PPM1H: variants seen among roughly 807,000 people sequenced by gnomAD.
PPM1H encodes protein phosphatase, Mg2+/Mn2+ dependent 1H, also known as protein phosphatase 1H.
PPM1H carries 27 observed loss-of-function variants against 54.9 expected under a neutral mutation model. The ratio of observed to expected loss-of-function variants is 0.49; its 90% confidence interval spans 0.36 to 0.68. The LOEUF (loss-of-function observed/expected upper bound fraction) is 0.68, where lower values mean the gene tolerates loss of function less well. Ranked by LOEUF, PPM1H falls within the 30% of genes least tolerant of loss-of-function variation. The pLI is 0.00. For missense variants in PPM1H, 596 were observed against 667.8 expected (o/e 0.89, Z 1.19); for synonymous variants, 305 against 270.8 (o/e 1.13, Z -1.24).
chr12:62,796,607 C>T (rs898358792), intron 3 of PPM1H, among the ~76,000 whole-genome samples: 1 of 152,206 alleles, frequency 6.6e-6, no homozygotes, highest in Non-Finnish European at 1.5e-5. Context: ...GGGACCTCCA[C>T]ATGTTCAGCT....
chr12:62,659,704 C>G (rs772258111), intron 9 of PPM1H, among the ~76,000 whole-genome samples: 3 of 152,196 alleles, frequency 2.0e-5, no homozygotes, highest in South Asian at 2.1e-4. Context: ...TGTCTCAGGC[C>G]TCATTCCCTG....
intron 1 of PPM1H, among the ~76,000 whole-genome samples, chr12:62,864,407 C>T (rs536826829): frequency 2.0e-5 from 3 of 152,250 alleles, no homozygotes; most frequent in African/African-American, 7.2e-5. Context: ...AGTGACTGGC[C>T]ACTTAGCTGA....
intron 9 of PPM1H, among the ~76,000 whole-genome samples, chr12:62,649,134 T>A (rs2075802193): frequency 6.6e-6 from 1 of 152,088 alleles, no homozygotes; most frequent in South Asian, 2.1e-4. Context: ...AAAAAGTGAG[T>A]TAAGGAAAAA....
chr12:62,755,504 A>G, intron 4 of PPM1H: 1 of 665,746 alleles, frequency 1.5e-6, no homozygotes. Flanking sequence ...GGTGCTGAGT[A>G]TATCATGGAA....
chr12:62,743,777 A>G (rs1461226926), intron 4 of PPM1H, among the ~76,000 whole-genome samples: 1 of 152,148 alleles, frequency 6.6e-6, no homozygotes, highest in East Asian at 1.9e-4. Context: ...GCAACGATTA[A>G]TAAAGATATG....
chr12:62,674,772 C>A (rs1409785343), intron 8 of PPM1H, among the ~76,000 whole-genome samples: 1 of 152,226 alleles, frequency 6.6e-6, no homozygotes, highest in Non-Finnish European at 1.5e-5. Context: ...GAAGAGGAAG[C>A]TGCAGGGGCT....
intron 4 of PPM1H, among the ~76,000 whole-genome samples, chr12:62,752,151 A>C (rs1458350639): frequency 6.6e-6 from 1 of 152,244 alleles, no homozygotes; most frequent in African/African-American, 2.4e-5. Context: ...AGCCACTCTG[A>C]GAATCAATTT....
chr12:62,689,690 A>G lies in PPM1H; in HGVS notation c.1245+9T>C, dbSNP rs1358269281. On this transcript the variant is annotated intron_variant, in intron 8 of 9. Coordinates refer to ENST00000228705, the MANE Select transcript of PPM1H (RefSeq NM_020700.2). ...TGCACAAAATATAAACAAAAACCTC[A>G]TGCGGTACCTCTGGAGCTGAAGACA... 3.7e-6 allele frequency: 6 copies of G among 1,606,316 alleles called. No homozygotes were observed. The highest frequency in any genetic ancestry group is 5.1e-6 in the Non-Finnish European group (6 of 1,174,168).
intron 1 of PPM1H, among the ~76,000 whole-genome samples, chr12:62,885,305 C>T (rs1870549447): frequency 6.6e-6 from 1 of 152,104 alleles, no homozygotes; most frequent in Non-Finnish European, 1.5e-5. Flanking sequence ...CTATTGGTCT[C>T]AGCTCCTAGA....
At chr12:62,709,435 C>T (rs2076194242) in intron 6 of PPM1H, among the ~76,000 whole-genome samples, 1 of 152,152 alleles carries the variant, frequency 6.6e-6, no homozygotes, top group Non-Finnish European at 1.5e-5. Context: ...CTCTGGCTTC[C>T]AAATTCCCAA....
intron 4 of PPM1H, among the ~76,000 whole-genome samples, chr12:62,780,984 T>C (rs2076638669): frequency 6.6e-6 from 1 of 152,232 alleles, no homozygotes; most frequent in Non-Finnish European, 1.5e-5. Flanking sequence ...CAGCTTAGCC[T>C]TTCAGTGTGT....
At chr12:62,649,474 G>C (rs2075804608) in intron 9 of PPM1H, among the ~76,000 whole-genome samples, 1 of 152,170 alleles carries the variant, frequency 6.6e-6, no homozygotes, top group Non-Finnish European at 1.5e-5. Context: ...GGTTAGCCCT[G>C]AGGCATAAAA....
intron 2 of PPM1H, among the ~76,000 whole-genome samples, chr12:62,810,836 T>A (rs570103620): frequency 3.7e-4 from 57 of 152,290 alleles, no homozygotes; most frequent in African/African-American, 1.3e-3. Flanking sequence ...TTGAAGAAGA[T>A]GATAAAGGAC....
chr12:62,798,231 G>C (rs1205977060), intron 3 of PPM1H, among the ~76,000 whole-genome samples: 15 of 152,314 alleles, frequency 9.8e-5, no homozygotes, highest in Admixed American at 6.5e-4. Context: ...GGGAAAGAGG[G>C]AGGGTATGGT....
At chr12:62,666,064 T>G (rs1485209756) in intron 9 of PPM1H, among the ~76,000 whole-genome samples, 1 of 151,992 alleles carries the variant, frequency 6.6e-6, no homozygotes, top group Admixed American at 6.6e-5. Context: ...AAATATTTTA[T>G]ATTATTGTTG....
chr12:62,699,798 T>C (rs1347228007), intron 6 of PPM1H, among the ~76,000 whole-genome samples: 4 of 152,308 alleles, frequency 2.6e-5, no homozygotes, highest in Admixed American at 2.0e-4. Flanking sequence ...TCCGATTTCT[T>C]ACAAACTCAG....
rs114206502 is a variant in PPM1H, at chr12:62,701,468, C to A, written c.1074-7469G>T. On this transcript the variant is annotated intron_variant, in intron 6 of 9. Transcript: ENST00000228705. ...TACATCCCTTCAGTAAAGCTTTGCT[C>A]ACACTGTCCTCATAGCTGGGAGGCC... Among the ~76,000 whole-genome samples the A allele has an allele frequency of 4.0e-3, 603 of 152,312 alleles. 3 individuals are homozygous for A. The highest frequency in any genetic ancestry group is 0.014 in the African/African-American group (579 of 41,554).
chr12:62,814,307 T>C (rs1000750468), intron 2 of PPM1H, among the ~76,000 whole-genome samples: 2 of 152,194 alleles, frequency 1.3e-5, no homozygotes, highest in African/African-American at 4.8e-5. Context: ...AGTCTGGAAC[T>C]CCTGGCCTCA....
At chr12:62,808,836 G>C (rs1261243071) in intron 2 of PPM1H, among the ~76,000 whole-genome samples, 1 of 152,024 alleles carries the variant, frequency 6.6e-6, no homozygotes, top group Admixed American at 6.6e-5. Context: ...CCACCTGGTG[G>C]GTACTAGTGA....
Sources: gnomAD v4.1 joint callset for allele counts (sites outside exome capture counted in the v4.1 genomes callset) on GRCh38, gnomAD v4.1.1 for gene constraint, MANE v1.5 for transcripts, NCBI Gene and HGNC (gene_info 2026-07-23, HGNC 2026-07-21) for gene names.